The following CNTN3 variants were observed in gnomAD, a reference collection of about 807,000 sequenced individuals.
The protein encoded by CNTN3 is contactin-3.
In CNTN3, 60 loss-of-function variants were observed where a neutral mutation model predicts 119.1. That is an observed-to-expected ratio of 0.50 (90% CI 0.41 to 0.62). The LOEUF (loss-of-function observed/expected upper bound fraction) is 0.62. Among genes scored for constraint, CNTN3 ranks in the 20% least tolerant of loss-of-function variants. CNTN3 has a pLI of 0.00. For synonymous variants in CNTN3, 450 were observed against 438.7 expected (o/e 1.03, Z -0.32); for missense variants, 1,101 against 1,242.4 (o/e 0.89, Z 1.71).
chr3:74,558,982 C>CAATAATAAT (rs60508507), intron 1 of CNTN3, among the ~76,000 whole-genome samples: 80,074 of 142,860 alleles, frequency 0.56, 22,960 homozygotes, highest in Non-Finnish European at 0.61. Flanking sequence ...GACCCTGTCT[C>CAATAATAAT]AATAATAATA....
chr3:74,607,250 AT>A (rs1559677190), intron 1 of CNTN3, among the ~76,000 whole-genome samples: 1 of 152,130 alleles, frequency 6.6e-6, no homozygotes, highest in Non-Finnish European at 1.5e-5. Context: ...GGAATTAGTA[AT>A]TGGTAATCAG....
At chr3:74,441,589 AT>A (rs1290900801) in intron 4 of CNTN3, among the ~76,000 whole-genome samples, 5 of 152,156 alleles carry the variant, frequency 3.3e-5, no homozygotes, top group African/African-American at 9.7e-5. Context: ...CTTAGTTTAA[AT>A]TTTTTAAGTG....
intron 1 of CNTN3, among the ~76,000 whole-genome samples, chr3:74,609,984 G>A (rs1027588350): frequency 1.3e-5 from 2 of 152,114 alleles, no homozygotes; most frequent in Admixed American, 1.3e-4. Flanking sequence ...CCCTCTCTAA[G>A]CAAATGATAT....
chr3:74,278,589 C>T (rs941933229), intron 20 of CNTN3, among the ~76,000 whole-genome samples: 3 of 152,142 alleles, frequency 2.0e-5, no homozygotes, highest in Admixed American at 6.5e-5. Flanking sequence ...TCATCTCTCA[C>T]CTTATACAAA....
At chr3:74,611,337 T>G (rs1224551113) in intron 1 of CNTN3, among the ~76,000 whole-genome samples, 1 of 152,070 alleles carries the variant, frequency 6.6e-6, no homozygotes, top group Non-Finnish European at 1.5e-5. Flanking sequence ...TTACAAACCC[T>G]TATTTCTTGT....
chr3:74,281,110 T>C (rs1237842551), intron 20 of CNTN3, among the ~76,000 whole-genome samples: 1 of 152,128 alleles, frequency 6.6e-6, no homozygotes, highest in Non-Finnish European at 1.5e-5. Flanking sequence ...GTGGATTGTA[T>C]AAGGCCTCAT....
intron 13 of CNTN3, among the ~76,000 whole-genome samples, chr3:74,333,792 A>G (rs1439733333): frequency 1.3e-5 from 2 of 152,224 alleles, no homozygotes; most frequent in Non-Finnish European, 2.9e-5. Context: ...ATACAAATAC[A>G]TACATTTAAT....
chr3:74,482,270 A>C (rs2107030679), intron 4 of CNTN3, among the ~76,000 whole-genome samples: 1 of 152,136 alleles, frequency 6.6e-6, no homozygotes, highest in East Asian at 1.9e-4. Flanking sequence ...AAACTGCATA[A>C]ACTCCAACTT....
At chr3:74,285,155 A>C in intron 20 of CNTN3, 150 bp downstream of exon 20, 1 of 747,292 alleles carries the variant, frequency 1.3e-6, no homozygotes, top group South Asian at 2.1e-5. Context: ...AGGGTTTTGG[A>C]GTTGGGTTTT....
chr3:74,499,519 T>C (rs1703125557), intron 3 of CNTN3, 140 bp downstream of exon 3: 2 of 686,776 alleles, frequency 2.9e-6, no homozygotes, highest in Non-Finnish European at 2.3e-6. Flanking sequence ...ATTAAATCTG[T>C]TGAATATATC....
chr3:74,423,310 C>T (rs1332766650), intron 5 of CNTN3, among the ~76,000 whole-genome samples: 2 of 152,190 alleles, frequency 1.3e-5, no homozygotes, highest in Non-Finnish European at 2.9e-5. Context: ...AAAACATGGT[C>T]ATCCTGACAG....
chr3:74,433,333 G>A (rs890318156), intron 4 of CNTN3, among the ~76,000 whole-genome samples: 4 of 152,258 alleles, frequency 2.6e-5, no homozygotes, highest in African/African-American at 9.6e-5. Context: ...GGAATCAGAG[G>A]TGTGATACAG....
intron 4 of CNTN3, among the ~76,000 whole-genome samples, chr3:74,435,086 C>G (rs1701844388): frequency 6.6e-6 from 1 of 152,146 alleles, no homozygotes; most frequent in Non-Finnish European, 1.5e-5. Flanking sequence ...TAAATTTGAT[C>G]AAGTTAATTG....
chr3:74,495,909 C>T (rs975136744), intron 3 of CNTN3, among the ~76,000 whole-genome samples: 1 of 151,928 alleles, frequency 6.6e-6, no homozygotes, highest in Non-Finnish European at 1.5e-5. Context: ...TGTTTACTTC[C>T]TTGTGAAGAG....
chr3:74,435,578 T>C (rs1314958028), intron 4 of CNTN3, among the ~76,000 whole-genome samples: 1 of 152,200 alleles, frequency 6.6e-6, no homozygotes, highest in African/African-American at 2.4e-5. Context: ...TATGAAGTCA[T>C]AAGAGTATGC....
chr3:74,430,406 T>C (rs568169330), intron 4 of CNTN3, among the ~76,000 whole-genome samples: 1 of 152,256 alleles, frequency 6.6e-6, no homozygotes, highest in East Asian at 1.9e-4. Context: ...TTACTTACTA[T>C]ATGATTCCAT....
intron 5 of CNTN3, among the ~76,000 whole-genome samples, chr3:74,421,059 C>G (rs1369791358): frequency 2.0e-5 from 3 of 152,118 alleles, no homozygotes; most frequent in Admixed American, 6.6e-5. Flanking sequence ...CATACTTTTA[C>G]CCAAAAAGAA....
intron 4 of CNTN3, among the ~76,000 whole-genome samples, chr3:74,458,952 A>G (rs758828243): frequency 2.0e-4 from 31 of 152,002 alleles, no homozygotes; most frequent in Non-Finnish European, 4.0e-4. Flanking sequence ...TTGCAGACCA[A>G]CTGCAGATTC....
intron 13 of CNTN3, among the ~76,000 whole-genome samples, chr3:74,322,570 G>T (rs759527518): frequency 3.9e-5 from 6 of 152,158 alleles, no homozygotes; most frequent in Non-Finnish European, 8.8e-5. Flanking sequence ...TAGCCATTCT[G>T]CAAGACAGTC....
Sources: allele counts gnomAD v4.1 joint callset (sites outside exome capture counted in the v4.1 genomes callset), GRCh38; gene constraint gnomAD v4.1.1; transcripts MANE v1.5; gene names NCBI Gene and HGNC (gene_info 2026-07-23, HGNC 2026-07-21).